Variants in CORIN observed in about 807,000 individuals in gnomAD.
CORIN encodes corin, serine peptidase.
Under a neutral mutation model 125.3 loss-of-function variants are expected in CORIN, and 117 were observed. The observed-to-expected ratio is 0.93, with a 90% CI of 0.80 to 1.09. The LOEUF (loss-of-function observed/expected upper bound fraction) is 1.09, where lower values mean the gene tolerates loss of function less well. CORIN is among the 50% of genes least tolerant of loss of function. CORIN has a pLI of 0.00. For missense variants in CORIN, 1,253 were observed against 1,306.7 expected (o/e 0.96, Z 0.63); for synonymous variants, 450 against 466.4 (o/e 0.96, Z 0.45).
chr4:47,691,903 G>A (rs1219849802), intron 6 of CORIN, among the ~76,000 whole-genome samples: 1 of 152,130 alleles, frequency 6.6e-6, no homozygotes, highest in Non-Finnish European at 1.5e-5. Context: ...GGTCCATTTG[G>A]CAAACAGACC....
chr4:47,725,610 C>A (rs1258618605), intron 5 of CORIN, among the ~76,000 whole-genome samples: 1 of 151,914 alleles, frequency 6.6e-6, no homozygotes, highest in African/African-American at 2.4e-5. Context: ...TACCTTATAC[C>A]TTAGGCAAAA....
chr4:47,604,270 C>T (rs1028903756), intron 19 of CORIN, among the ~76,000 whole-genome samples: 3 of 152,206 alleles, frequency 2.0e-5, no homozygotes, highest in African/African-American at 7.2e-5. Context: ...CTTTCCCTCT[C>T]AGTCTTTTCT....
chr4:47,693,140 G>A, intron 5 of CORIN, 57 bp from the exon 6 acceptor site: 1 of 1,108,708 alleles, frequency 9.0e-7, no homozygotes. Flanking sequence ...TTTCTTTTAA[G>A]ATTACAAAAA....
At chr4:47,678,148 T>A (rs1725113625) in intron 8 of CORIN, 94 bp from the exon 9 acceptor site, 3 of 870,450 alleles carry the variant, frequency 3.4e-6, no homozygotes, top group Non-Finnish European at 5.9e-6. Flanking sequence ...CAAGCATCGC[T>A]AAGAAACAAG....
Position 47,763,670 on chromosome 4 carries a change from T to A in CORIN, c.410-84A>T, listed in dbSNP as rs61764274. On this transcript the variant is annotated intron_variant, in intron 3 of 21. Transcript: ENST00000273857. ...ACTCATTTAATATTTGTTTATAAGATAAAGTATACTTATCACAAGAAAAAA... is the reference window on the plus strand; with the variant it reads ...ACTCATTTAATATTTGTTTATAAGAAAAAGTATACTTATCACAAGAAAAAA... 2.5e-3 allele frequency: 3,108 copies of A among 1,232,538 alleles called. 7 individuals are homozygous for A. Among genetic ancestry groups the A allele is most frequent in the Admixed American group, 6.6e-3 (348 of 52,580 alleles). 76.4% of individuals were successfully genotyped at this position (1,232,538 alleles called of 1,614,324 possible).
At chr4:47,761,478 G>GAT (rs1729457194) in intron 4 of CORIN, among the ~76,000 whole-genome samples, 1 of 139,238 alleles carries the variant, frequency 7.2e-6, no homozygotes, top group African/African-American at 2.9e-5. Context: ...AAGAAAATGT[G>GAT]ATACACACAC....
intron 1 of CORIN, among the ~76,000 whole-genome samples, chr4:47,817,952 G>T (rs919723861): frequency 2.6e-5 from 4 of 152,198 alleles, no homozygotes; most frequent in African/African-American, 9.7e-5. Context: ...CCCTTCTACA[G>T]CTGGTAGATT....
chr4:47,605,904 G>A (rs1465286915), intron 19 of CORIN, among the ~76,000 whole-genome samples: 2 of 152,098 alleles, frequency 1.3e-5, no homozygotes, highest in East Asian at 1.9e-4. Flanking sequence ...GAGGAGCCAA[G>A]GTAGGCACTC....
chr4:47,692,032 A>G (rs1219362513), intron 6 of CORIN, among the ~76,000 whole-genome samples: 1 of 151,912 alleles, frequency 6.6e-6, no homozygotes, highest in Non-Finnish European at 1.5e-5. Flanking sequence ...TAACCCTTAA[A>G]GAACAATTAG....
intron 1 of CORIN, among the ~76,000 whole-genome samples, chr4:47,812,708 T>C (rs17654502): frequency 0.16 from 24,166 of 152,160 alleles, 2,125 homozygotes; most frequent in East Asian, 0.33. Context: ...TCATACCAAT[T>C]CAGTCTATTT....
chr4:47,681,995 T>A (rs1725304490), intron 7 of CORIN: 3 of 152,138 alleles, frequency 2.0e-5, no homozygotes, highest in Non-Finnish European at 4.4e-5. Flanking sequence ...TGTAGCAACA[T>A]GGATGAGCCT....
chr4:47,641,590 G>T (rs911532963), intron 16 of CORIN, among the ~76,000 whole-genome samples: 1 of 151,232 alleles, frequency 6.6e-6, no homozygotes, highest in African/African-American at 2.4e-5. Flanking sequence ...ACCTCTTGGG[G>T]GGAAATTACA....
chr4:47,689,205 G>A (rs1368248106), intron 6 of CORIN, among the ~76,000 whole-genome samples: 3 of 152,184 alleles, frequency 2.0e-5, no homozygotes, highest in South Asian at 2.1e-4. Context: ...CAACAGTCAC[G>A]ACCGCAAATC....
At chr4:47,658,111 T>G (rs1724076324) in intron 12 of CORIN, among the ~76,000 whole-genome samples, 1 of 152,176 alleles carries the variant, frequency 6.6e-6, no homozygotes, top group Admixed American at 6.5e-5. Flanking sequence ...AAGAAGGTAT[T>G]TACTTCCAAG....
chr4:47,603,764 T>G (rs1721540566), intron 19 of CORIN, 96 bp from the exon 20 acceptor site: 19 of 1,392,298 alleles, frequency 1.4e-5, no homozygotes, highest in Non-Finnish European at 1.7e-5. Context: ...ATGTAAATAA[T>G]GGCCATTTTC....
intron 4 of CORIN, among the ~76,000 whole-genome samples, chr4:47,758,366 TG>T (rs1729290173): frequency 6.6e-6 from 1 of 152,140 alleles, no homozygotes. Flanking sequence ...TGGATGTTCA[TG>T]GTTGGAAGAA....
chr4:47,636,869 A>T (rs2109594677), intron 16 of CORIN, among the ~76,000 whole-genome samples: 1 of 152,320 alleles, frequency 6.6e-6, no homozygotes, highest in Non-Finnish European at 1.5e-5. Context: ...TGCTGTAGAT[A>T]CCCAAAAGTG....
At chr4:47,801,927 A>C (rs1161720659) in intron 2 of CORIN, among the ~76,000 whole-genome samples, 1 of 152,264 alleles carries the variant, frequency 6.6e-6, no homozygotes, top group Non-Finnish European at 1.5e-5. Context: ...TAGGTGGCTA[A>C]GGGAGTGCTT....
chr4:47,771,072 C>A (rs1189402436), intron 3 of CORIN, among the ~76,000 whole-genome samples: 7 of 152,026 alleles, frequency 4.6e-5, no homozygotes, highest in Non-Finnish European at 8.8e-5. Context: ...AAAATAAAAA[C>A]AGATCCAAGT....
Sources: allele counts gnomAD v4.1 joint callset (sites outside exome capture counted in the v4.1 genomes callset), GRCh38; gene constraint gnomAD v4.1.1; transcripts MANE v1.5; gene names NCBI Gene and HGNC (gene_info 2026-07-23, HGNC 2026-07-21).